The following CCL16 variants were observed in gnomAD, a reference collection of about 807,000 sequenced individuals.
The protein encoded by CCL16 is C-C motif chemokine 16.
CCL16 carries 6 observed loss-of-function variants against 7.5 expected under a neutral mutation model. That is an observed-to-expected ratio of 0.80 (90% confidence interval 0.44 to 1.57). The LOEUF is 1.57. Among genes scored for constraint, CCL16 ranks in the 40% most tolerant of loss-of-function variants. The pLI is 0.01. For synonymous variants in CCL16, 60 were observed against 57.7 expected (o/e 1.04, Z -0.18); for missense variants, 134 against 142.9 (o/e 0.94, Z 0.32).
At chr17:35,978,061 G>A in intron 2 of CCL16, 82 bp downstream of exon 2, 2 of 1,574,804 alleles carry the variant, frequency 1.3e-6, no homozygotes, top group Non-Finnish European at 1.7e-6. Flanking sequence ...CTAGCATGGA[G>A]ACCTCTTGAT....
In CCL16 at chr17:35,977,455, G is replaced by T; in HGVS notation, c.*111C>A. 1.1e-6 allele frequency: 1 copy of T among 903,110 alleles called. No homozygotes were observed. 55.9% of individuals were successfully genotyped at this position (903,110 alleles called of 1,614,324 possible). On this transcript the variant is annotated 3_prime_UTR_variant, in exon 3 of 3. Transcript: ENST00000611905. ...ATACTTCTCCTTTATTTTGATCATT[G>T]TTCTGCTTCTCTCAATGTGACTGGC...
intron 1 of CCL16, among the ~76,000 whole-genome samples, chr17:35,980,888 G>C (rs2089676128): frequency 6.6e-6 from 1 of 152,202 alleles, no homozygotes; most frequent in South Asian, 2.1e-4. Flanking sequence ...CCATGTTGAG[G>C]AAGGGCTCTC....
In CCL16 at chr17:35,981,466, G is replaced by T; in HGVS notation, c.-46C>A. On this transcript the variant is annotated 5_prime_UTR_variant, in exon 1 of 3. Transcript: ENST00000611905. ...GCTTCAGGGAGAGCCGAATGAAGAT[G>T]TTGTCTGTTGCTGGTGGTCCGCTTG... 2 of 1,436,738 alleles carry T rather than the reference G, an allele frequency of 1.4e-6. No homozygotes were observed. The highest frequency in any genetic ancestry group is 1.9e-6 in the Non-Finnish European group (2 of 1,032,950). 89.0% of individuals were successfully genotyped at this position (1,436,738 alleles called of 1,614,324 possible).
At chr17:35,978,040 C>G (rs2089652499) in intron 2 of CCL16, 103 bp downstream of exon 2, 1 of 1,517,498 alleles carries the variant, frequency 6.6e-7, no homozygotes, top group African/African-American at 1.4e-5. Context: ...TTAGCCACTG[C>G]TCCACTGCTT....
Position 35,978,254 on chromosome 17 carries a change from T to C in CCL16, c.86A>G (p.Glu29Gly). ...SASRSQPKVP[E>G]WVNTPSTCCL... ...GCAGGTGGATGGGGTGTTCACCCAC[T>C]CAGGAACTTCTGAAGGAATCACATT... Residue 29 changes from glutamate to glycine, a missense_variant, in exon 2 of 3, where the codon GAG (glutamate) becomes GGG (glycine). By Grantham distance (98) the Glu-to-Gly change is moderately conservative. Transcript: ENST00000611905. 6.8e-6 allele frequency: 11 copies of C among 1,614,210 alleles called. No homozygotes were observed. Among genetic ancestry groups the C allele is most frequent in the Non-Finnish European group, 7.6e-6 (9 of 1,180,018 alleles).
In CCL16 at chr17:35,978,138, C is replaced by A; in HGVS notation, c.197+5G>T. On this transcript the variant is annotated splice_donor_5th_base_variant and intron_variant, in intron 2 of 2. Coordinates refer to ENST00000611905, the MANE Select transcript of CCL16 (RefSeq NM_004590.4). ...CCACAGAAATATCTAAAAGGACGTG[C>A]TTACATGATTGCTGGCAGGTGACAG... The A allele has an allele frequency of 6.2e-7, 1 of 1,614,180 alleles. No homozygotes were observed. Among genetic ancestry groups the A allele is most frequent in the South Asian group, 1.1e-5 (1 of 91,078 alleles).
chr17:35,979,478 GGAATTTTGACTTGATTT>G (rs1279751491), intron 1 of CCL16, among the ~76,000 whole-genome samples: 1 of 152,116 alleles, frequency 6.6e-6, no homozygotes, highest in Non-Finnish European at 1.5e-5. Flanking sequence ...AGCTTGGGTT[GGAATTTTGACTTGATTT>G]GAATTTTGAC....
intron 1 of CCL16, among the ~76,000 whole-genome samples, chr17:35,979,520 A>C (rs2089665126): frequency 6.6e-6 from 1 of 152,090 alleles, no homozygotes; most frequent in South Asian, 2.1e-4. Flanking sequence ...ATCATGGGCA[A>C]ATTTCTTAAT....
chr17:35,979,224 C>T (rs181412197), intron 1 of CCL16, among the ~76,000 whole-genome samples: 1 of 151,912 alleles, frequency 6.6e-6, no homozygotes, highest in East Asian at 1.9e-4. Context: ...CTCAGTGTGT[C>T]TTGGGAGTGC....
chr17:35,980,546 A>C (rs577593223), intron 1 of CCL16: 1 of 183,844 alleles, frequency 5.4e-6, no homozygotes, highest in South Asian at 1.1e-4. Flanking sequence ...AAAACAAAAC[A>C]CAACAAGCAA....
chr17:35,980,188 A>G (rs1210653040), intron 1 of CCL16, among the ~76,000 whole-genome samples: 1 of 152,176 alleles, frequency 6.6e-6, no homozygotes, highest in Non-Finnish European at 1.5e-5. Flanking sequence ...TTGTGTTTAC[A>G]CAGGCAGAGT....
intron 1 of CCL16, chr17:35,979,067 G>T (rs1399164172): frequency 6.6e-6 from 1 of 151,968 alleles, no homozygotes; most frequent in African/African-American, 2.4e-5. Flanking sequence ...GTCAGAGGTT[G>T]CAATGAGCCA....
chr17:35,981,384 G>C lies in CCL16; in HGVS notation c.37C>G (p.Leu13Val). 6.2e-7 allele frequency: 1 copy of C among 1,613,106 alleles called. No homozygotes were observed. Among genetic ancestry groups the C allele is most frequent in the Non-Finnish European group, 8.5e-7 (1 of 1,179,584 alleles). The change falls in exon 1 of 3, where the codon CTC (leucine) becomes GTC (valine). Residue 13 changes from leucine (L) to valine (V), a missense_variant. Leu to Val is a conservative substitution (Grantham distance 32). Coordinates refer to ENST00000611905, the MANE Select transcript of CCL16 (RefSeq NM_004590.4). The part of the protein sequence containing the change: ...VSEAALSLLV[L>V]ILIITSASRS... ...GAAGCCGAAGTAATGATAAGGATGA[G>C]GACAAGGAGAGACAGGGCAGCCTCG... is the stretch of plus-strand genomic sequence containing the variant.
intron 1 of CCL16, 28 bp downstream of exon 1, chr17:35,981,317 C>G (rs1164017571): frequency 6.4e-7 from 1 of 1,558,164 alleles, no homozygotes; most frequent in African/African-American, 1.4e-5. Flanking sequence ...CTTTCTCGTT[C>G]CTGCCCTACA....
intron 2 of CCL16, 68 bp from the exon 3 acceptor site, chr17:35,977,799 T>C: frequency 6.5e-7 from 1 of 1,537,716 alleles, no homozygotes; most frequent in Non-Finnish European, 8.9e-7. Flanking sequence ...CACCCCCACC[T>C]CTGGTTCACA....
In CCL16 at chr17:35,977,616, T is replaced by G. The variant is rs1418756874; in HGVS notation, c.313A>C (p.Lys105Gln). The G allele has an allele frequency of 2.5e-6, 4 of 1,612,644 alleles. No homozygotes were observed. The highest frequency in any genetic ancestry group is 3.4e-6 in the Non-Finnish European group (4 of 1,180,008). ...TGACCATTCTTTGCTGTAATAATTT[T>G]AACCGTGGACAAGTTCCTGGTAGGC... ...LLPTRNLSTVKIITAKNGQPQ... is the reference protein window; with the variant it reads ...LLPTRNLSTVQIITAKNGQPQ... The change falls in exon 3 of 3, where the codon AAA (lysine) becomes CAA (glutamine). Residue 105 changes from lysine (K) to glutamine (Q), a missense_variant. Lys to Gln is a moderately conservative substitution (Grantham distance 53). Transcript: ENST00000611905.
In CCL16 at chr17:35,977,895, C is replaced by T. The variant is rs1005861881; in HGVS notation, c.198-164G>A. Among the ~76,000 whole-genome samples, 9 of 152,218 alleles carry T rather than the reference C, an allele frequency of 5.9e-5. 1 individual carries two copies. Among genetic ancestry groups the T allele is most frequent in the Admixed American group, 6.5e-5 (1 of 15,292 alleles). ...ACAGCCTCTCTCTCTGGCCTCAGAA[C>T]CTTACCATCCCTTCTCTCAGTCCCT... On this transcript the variant is annotated intron_variant, in intron 2 of 2. Coordinates refer to ENST00000611905, the MANE Select transcript of CCL16 (RefSeq NM_004590.4).
In CCL16 at chr17:35,981,408, C is replaced by T. The variant is rs142115594; in HGVS notation, c.13G>A (p.Glu5Lys). The T allele has an allele frequency of 2.1e-5, 34 of 1,611,756 alleles. 1 individual carries two copies. The highest frequency in any genetic ancestry group is 1.7e-4 in the Middle Eastern group (1 of 6,046). ...AGGACAAGGAGAGACAGGGCAGCCT[C>T]GGAGACCTTCATCCTCTCAGCGAGG... MKVSEAALSLLVLIL... is the reference protein window; with the variant it reads MKVSKAALSLLVLIL... Residue 5 changes from glutamate (E) to lysine (K), a missense_variant, in exon 1 of 3, where the codon GAG becomes AAG. Physicochemically the swap from Glu to Lys is moderately conservative, Grantham distance 56. Transcript: ENST00000611905.
At chr17:35,981,064 T>C (rs2089677398) in intron 1 of CCL16, among the ~76,000 whole-genome samples, 1 of 152,130 alleles carries the variant, frequency 6.6e-6, no homozygotes, top group South Asian at 2.1e-4. Context: ...TGCTGCTTTC[T>C]TGGCCTCTCC....
Sources: allele counts gnomAD v4.1 joint callset (sites outside exome capture counted in the v4.1 genomes callset), GRCh38; gene constraint gnomAD v4.1.1; transcripts MANE v1.5; gene names NCBI Gene and HGNC (gene_info 2026-07-23, HGNC 2026-07-21).